Variants in RTN3 observed in about 807,000 individuals in gnomAD.
RTN3 encodes reticulon 3.
Under a neutral mutation model 77.8 loss-of-function variants are expected in RTN3, and 49 were observed. The ratio of observed to expected loss-of-function variants is 0.63; its 90% confidence interval spans 0.50 to 0.80. The LOEUF (loss-of-function observed/expected upper bound fraction) is 0.80, where lower values mean the gene tolerates loss of function less well. RTN3 is among the 30% of genes least tolerant of loss of function. The pLI is 0.00. For synonymous variants in RTN3, 464 were observed against 446.9 expected, an observed-to-expected ratio of 1.04 and a Z score of -0.48; for missense variants, 1,236 against 1,211.9, an observed-to-expected ratio of 1.02 and a Z score of -0.29.
chr11:63,715,583 G>C (rs766605618), intron 2 of RTN3, among the ~76,000 whole-genome samples: 6 of 152,064 alleles, frequency 3.9e-5, no homozygotes, highest in Non-Finnish European at 8.8e-5. Flanking sequence ...GCTTCAATCT[G>C]GGGGGCGGAG....
chr11:63,732,344 T>C (rs1226928818), intron 3 of RTN3, among the ~76,000 whole-genome samples: 1 of 151,932 alleles, frequency 6.6e-6, no homozygotes, highest in African/African-American at 2.4e-5. Flanking sequence ...CTTTATTAAT[T>C]TTTAAAAATT....
At chr11:63,737,268 T>C (rs1354923666) in intron 3 of RTN3, among the ~76,000 whole-genome samples, 1 of 152,136 alleles carries the variant, frequency 6.6e-6, no homozygotes, top group Non-Finnish European at 1.5e-5. Flanking sequence ...CTTCATGACA[T>C]AGGGTAGGCA....
chr11:63,688,099 G>A (rs1244790554), intron 1 of RTN3, among the ~76,000 whole-genome samples: 1 of 152,156 alleles, frequency 6.6e-6, no homozygotes, highest in Non-Finnish European at 1.5e-5. Flanking sequence ...TGATACATTA[G>A]GAAACCCCTT....
chr11:63,740,750 A>T (rs1353038748), intron 3 of RTN3, among the ~76,000 whole-genome samples: 1 of 152,130 alleles, frequency 6.6e-6, no homozygotes, highest in African/African-American at 2.4e-5. Flanking sequence ...TACTGGCAAC[A>T]AAGAGGAAAG....
chr11:63,744,190 C>G (rs894239181), intron 3 of RTN3, among the ~76,000 whole-genome samples: 4 of 118,842 alleles, frequency 3.4e-5, no homozygotes, highest in African/African-American at 1.3e-4. Context: ...TGCAGTGAGC[C>G]GAGACCACAC....
chr11:63,752,499 T>C lies in RTN3; in HGVS notation c.2739-8T>C. ...CAAATGTATGACTGTTATTTCTTCT[T>C]CTGGAAGAGCCTACCTGGACGTAGA... is the stretch of plus-strand genomic sequence containing the variant. On this transcript the variant is annotated splice_polypyrimidine_tract_variant and splice_region_variant and intron_variant, in intron 4 of 8. Coordinates refer to ENST00000377819, the MANE Select transcript of RTN3 (RefSeq NM_001265589.2). The C allele has an allele frequency of 6.2e-7, 1 of 1,611,362 alleles. No homozygotes were observed. Among genetic ancestry groups the C allele is most frequent in the Non-Finnish European group, 8.5e-7 (1 of 1,177,962 alleles).
chr11:63,692,775 A>G (rs1941732313), intron 1 of RTN3, among the ~76,000 whole-genome samples: 1 of 151,726 alleles, frequency 6.6e-6, no homozygotes, highest in Non-Finnish European at 1.5e-5. Context: ...AAAAAAAAAC[A>G]CCTTCAGAAG....
At chr11:63,730,884 C>T (rs1399301899) in intron 3 of RTN3, among the ~76,000 whole-genome samples, 1 of 152,068 alleles carries the variant, frequency 6.6e-6, no homozygotes, top group African/African-American at 2.4e-5. Flanking sequence ...ATACCTCTTT[C>T]TCAGCAATTA....
At chr11:63,707,695 G>A (rs1431461756) in intron 2 of RTN3, among the ~76,000 whole-genome samples, 1 of 152,100 alleles carries the variant, frequency 6.6e-6, no homozygotes, top group Non-Finnish European at 1.5e-5. Flanking sequence ...TTAGCCAGGT[G>A]TGGTGGCAGG....
At chr11:63,702,614 G>A (rs552335631) in intron 1 of RTN3, among the ~76,000 whole-genome samples, 13 of 138,536 alleles carry the variant, frequency 9.4e-5, no homozygotes, top group African/African-American at 3.5e-4. Flanking sequence ...GCGCCCGGCC[G>A]TCCCTTTGTT....
chr11:63,709,140 T>A (rs1942630258), intron 2 of RTN3, among the ~76,000 whole-genome samples: 1 of 152,288 alleles, frequency 6.6e-6, no homozygotes, highest in East Asian at 1.9e-4. Context: ...ATAAAGATGA[T>A]CAAATAAACT....
At chr11:63,729,402 G>A (rs1371631292) in intron 3 of RTN3, among the ~76,000 whole-genome samples, 6 of 148,352 alleles carry the variant, frequency 4.0e-5, no homozygotes, top group South Asian at 4.2e-4. Flanking sequence ...AGAAAAAAAC[G>A]AGTATATGGA....
chr11:63,731,474 T>A (rs1933775380), intron 3 of RTN3, among the ~76,000 whole-genome samples: 1 of 152,100 alleles, frequency 6.6e-6, no homozygotes, highest in Non-Finnish European at 1.5e-5. Context: ...GAAGACAACA[T>A]CTAGGAAAAT....
chr11:63,736,952 C>G (rs1020412010), intron 3 of RTN3, among the ~76,000 whole-genome samples: 1 of 150,946 alleles, frequency 6.6e-6, no homozygotes, highest in African/African-American at 2.4e-5. Flanking sequence ...GGGCAAGAGT[C>G]TTGGAAGCTA....
In RTN3 at chr11:63,698,113, C is replaced by T. The variant is rs1351194738; in HGVS notation, c.143-6738C>T. ...TTAGTCATCAATGCGAAATTAATTT[C>T]TGTGACCCTTTTCATAGTCTTTTTT... On this transcript the variant is annotated intron_variant, in intron 1 of 8. Coordinates refer to ENST00000377819, the MANE Select transcript of RTN3 (RefSeq NM_001265589.2). Among the ~76,000 whole-genome samples the T allele has an allele frequency of 6.6e-5, 10 of 151,746 alleles. No homozygotes were observed. In the South Asian group the frequency reaches 2.1e-3, roughly 32 times the overall value.
At chr11:63,699,577 C>T (rs1412479593) in intron 1 of RTN3, among the ~76,000 whole-genome samples, 3 of 152,200 alleles carry the variant, frequency 2.0e-5, no homozygotes, top group Non-Finnish European at 4.4e-5. Flanking sequence ...CACACCCTTA[C>T]TTAAAAACCT....
At chr11:63,690,573 T>C (rs900519700) in intron 1 of RTN3, among the ~76,000 whole-genome samples, 3 of 152,212 alleles carry the variant, frequency 2.0e-5, no homozygotes, top group Non-Finnish European at 4.4e-5. Flanking sequence ...TGCCCACGCT[T>C]TAAGATTTGA....
In RTN3 at chr11:63,752,685, A is replaced by G. The variant is rs2014169309; in HGVS notation, c.2877+40A>G. On this transcript the variant is annotated intron_variant, in intron 5 of 8. Transcript: ENST00000377819. ...CAGCTCTTGGTGGTAAAACAGAAAA[A>G]GCAGGGACTGGGTTATAATTTGGAG... The G allele has an allele frequency of 4.4e-6, 7 of 1,602,728 alleles. No homozygotes were observed. The Middle Eastern group carries it at 5.0e-4, about 114-fold the overall frequency.
At chr11:63,726,495 CTG>C (rs2134942290) in intron 3 of RTN3, among the ~76,000 whole-genome samples, 1 of 152,286 alleles carries the variant, frequency 6.6e-6, no homozygotes, top group African/African-American at 2.4e-5. Context: ...ATAAAATAAA[CTG>C]TGTTTAAGCC....
Sources: allele counts gnomAD v4.1 joint callset (sites outside exome capture counted in the v4.1 genomes callset), GRCh38; gene constraint gnomAD v4.1.1; transcripts MANE v1.5; gene names NCBI Gene and HGNC (gene_info 2026-07-23, HGNC 2026-07-21).